NAV2: variants seen among roughly 807,000 people sequenced by gnomAD.
NAV2 encodes the protein helicase, APC down-regulated 1.
NAV2 carries 54 observed loss-of-function variants against 223.2 expected under a neutral mutation model. The observed-to-expected ratio is 0.24, with a 90% confidence interval of 0.19 to 0.30. NAV2 has a LOEUF of 0.30. Among genes scored for constraint, NAV2 ranks in the 10% least tolerant of loss-of-function variants. The pLI is 1.00. For missense variants in NAV2, 2,806 were observed against 3,147.5 expected (o/e 0.89, Z 2.60); for synonymous variants, 1,279 against 1,239.3 (o/e 1.03, Z -0.67).
chr11:19,994,429 C>A (rs550525027), intron 11 of NAV2, among the ~76,000 whole-genome samples: 1 of 152,276 alleles, frequency 6.6e-6, no homozygotes, highest in East Asian at 1.9e-4. Flanking sequence ...CGCCTGTAAT[C>A]CCAGCTGCGC....
intron 5 of NAV2, among the ~76,000 whole-genome samples, chr11:19,886,381 G>A (rs537943115): frequency 6.6e-6 from 1 of 152,302 alleles, no homozygotes; most frequent in East Asian, 1.9e-4. Flanking sequence ...CTTCTCCATA[G>A]AGCAAGTCCA....
chr11:19,477,976 A>C (rs1436821300), intron 1 of NAV2, among the ~76,000 whole-genome samples: 2 of 152,242 alleles, frequency 1.3e-5, no homozygotes, highest in Non-Finnish European at 2.9e-5. Flanking sequence ...TACAAAGGCT[A>C]ACTTGCTGCT....
At chr11:19,475,567 C>T (rs530017316) in intron 1 of NAV2, among the ~76,000 whole-genome samples, 1 of 152,246 alleles carries the variant, frequency 6.6e-6, no homozygotes, top group South Asian at 2.1e-4. Context: ...TTGAACACTG[C>T]TGTTTGTGGA....
At chr11:19,557,745 C>G (rs891248450) in intron 1 of NAV2, among the ~76,000 whole-genome samples, 4 of 152,214 alleles carry the variant, frequency 2.6e-5, no homozygotes, top group African/African-American at 9.6e-5. Context: ...GGCTGCACTT[C>G]CAGGTGAGAA....
chr11:19,481,893 T>C (rs1175752188), intron 1 of NAV2, among the ~76,000 whole-genome samples: 2 of 152,222 alleles, frequency 1.3e-5, no homozygotes, highest in African/African-American at 2.4e-5. Flanking sequence ...TGAACGCTTG[T>C]TGGACCTCAG....
chr11:20,036,632 T>A (rs764702681), intron 12 of NAV2, among the ~76,000 whole-genome samples: 1 of 152,198 alleles, frequency 6.6e-6, no homozygotes, highest in Non-Finnish European at 1.5e-5. Flanking sequence ...AGTGTTACCC[T>A]TCTTTTAAAC....
At chr11:19,634,492 T>G (rs2047435286) in intron 1 of NAV2, among the ~76,000 whole-genome samples, 2 of 152,162 alleles carry the variant, frequency 1.3e-5, no homozygotes, top group South Asian at 4.2e-4. Context: ...ACCTAAAAGT[T>G]TTTTTTAATT....
intron 11 of NAV2, among the ~76,000 whole-genome samples, chr11:20,001,219 C>T (rs1404184764): frequency 6.6e-6 from 1 of 152,168 alleles, no homozygotes; most frequent in Admixed American, 6.5e-5. Flanking sequence ...ACATCCTCTT[C>T]CTGGATTCAG....
intron 1 of NAV2, among the ~76,000 whole-genome samples, chr11:19,567,962 A>G (rs2045319945): frequency 6.6e-6 from 1 of 152,192 alleles, no homozygotes; most frequent in Non-Finnish European, 1.5e-5. Flanking sequence ...CTATAGTGTA[A>G]CTTCATATTT....
chr11:20,021,570 G>A (rs1034365415), intron 11 of NAV2, among the ~76,000 whole-genome samples: 8 of 152,170 alleles, frequency 5.3e-5, no homozygotes, highest in Non-Finnish European at 1.2e-4. Flanking sequence ...TCCAGGGACA[G>A]CATAGAAGGT....
chr11:19,960,589 TTTTATTTATTTA>T (rs5790101), intron 10 of NAV2, among the ~76,000 whole-genome samples: 2,840 of 141,704 alleles, frequency 0.02, 90 homozygotes, highest in African/African-American at 0.064. Context: ...TTTTTTAAAA[TTTTATTTATTTA>T]TTTATTTATT....
intron 1 of NAV2, among the ~76,000 whole-genome samples, chr11:19,465,146 C>T (rs1275102028): frequency 6.6e-6 from 1 of 152,138 alleles, no homozygotes; most frequent in Non-Finnish European, 1.5e-5. Context: ...GCCTGGGAAA[C>T]CATCTGTGAA....
chr11:19,690,421 T>C (rs911132080), intron 1 of NAV2, among the ~76,000 whole-genome samples: 6 of 152,208 alleles, frequency 3.9e-5, no homozygotes, highest in Non-Finnish European at 7.3e-5. Context: ...GACCACTTAC[T>C]TGGCCTCTCT....
At chr11:19,718,055 C>T (rs2152342813) in intron 1 of NAV2, among the ~76,000 whole-genome samples, 1 of 150,232 alleles carries the variant, frequency 6.7e-6, no homozygotes, top group South Asian at 2.2e-4. Context: ...CCCCACCCAC[C>T]CCCACCCTTC....
chr11:20,018,323 C>T (rs141270903), intron 11 of NAV2, among the ~76,000 whole-genome samples: 283 of 123,472 alleles, frequency 2.3e-3, no homozygotes, highest in African/African-American at 8.4e-3. Context: ...CACTGCACTC[C>T]AGCCTGGGCG....
chr11:19,842,108 A>G (rs1326028781), intron 2 of NAV2, among the ~76,000 whole-genome samples: 1 of 152,128 alleles, frequency 6.6e-6, no homozygotes, highest in Admixed American at 6.5e-5. Context: ...ATTCTCAAAC[A>G]CAGTCTCTCC....
At chr11:19,924,287 T>A (rs2044531545) in intron 6 of NAV2, among the ~76,000 whole-genome samples, 1 of 148,068 alleles carries the variant, frequency 6.8e-6, no homozygotes, top group Non-Finnish European at 1.5e-5. Context: ...TGGAAAGGGG[T>A]AATTCTTTAA....
At chr11:20,024,963 G>A (rs1430216088) in intron 11 of NAV2, among the ~76,000 whole-genome samples, 1 of 152,214 alleles carries the variant, frequency 6.6e-6, no homozygotes, top group Non-Finnish European at 1.5e-5. Context: ...AAAGTGTCCT[G>A]TGTATTTTGA....
chr11:19,418,438 C>T (rs543298744), intron 1 of NAV2, among the ~76,000 whole-genome samples: 7 of 152,170 alleles, frequency 4.6e-5, no homozygotes, highest in Non-Finnish European at 8.8e-5. Context: ...TCACCTTGGG[C>T]TTGGATGAGT....
Sources: gnomAD v4.1 joint callset for allele counts (sites outside exome capture counted in the v4.1 genomes callset) on GRCh38, gnomAD v4.1.1 for gene constraint, MANE v1.5 for transcripts, NCBI Gene and HGNC (gene_info 2026-07-23, HGNC 2026-07-21) for gene names.